The following CAPSL variants were observed in gnomAD, a reference collection of about 807,000 sequenced individuals.
CAPSL encodes calcyphosin-like protein.
Under a neutral mutation model 21.3 loss-of-function variants are expected in CAPSL, and 17 were observed. The observed-to-expected ratio is 0.80, with a 90% CI of 0.55 to 1.20. The LOEUF is 1.20. CAPSL is among the 50% of genes most tolerant of loss of function. The pLI is 0.00. For synonymous variants in CAPSL, 102 were observed against 89.3 expected, an observed-to-expected ratio of 1.14 and a Z score of -0.80; for missense variants, 289 against 259.3, an observed-to-expected ratio of 1.11 and a Z score of -0.79.
chr5:35,935,017 C>T (rs890229943), intron 1 of CAPSL, among the ~76,000 whole-genome samples: 2 of 152,164 alleles, frequency 1.3e-5, no homozygotes, highest in Admixed American at 1.3e-4. Context: ...TTTTAAGATG[C>T]ACCCTGTCAC....
At chr5:35,917,909 T>C (rs1738435384) in intron 2 of CAPSL, among the ~76,000 whole-genome samples, 1 of 151,956 alleles carries the variant, frequency 6.6e-6, no homozygotes, top group Non-Finnish European at 1.5e-5. Context: ...ATTAGAGAAA[T>C]GCAAATCATG....
intron 2 of CAPSL, among the ~76,000 whole-genome samples, chr5:35,911,971 G>A (rs1339981122): frequency 6.6e-6 from 1 of 152,184 alleles, no homozygotes; most frequent in Non-Finnish European, 1.5e-5. Context: ...TCAAAGAAAG[G>A]GGTGACAGAC....
At chr5:35,916,194 C>T (rs1464279975) in intron 2 of CAPSL, among the ~76,000 whole-genome samples, 24 of 151,670 alleles carry the variant, frequency 1.6e-4, no homozygotes, top group Admixed American at 1.6e-3. Flanking sequence ...CTACAAACCA[C>T]TGCTCAAGGA....
intron 2 of CAPSL, among the ~76,000 whole-genome samples, chr5:35,911,915 C>T (rs1023506672): frequency 6.6e-5 from 10 of 152,146 alleles, no homozygotes; most frequent in Non-Finnish European, 1.3e-4. Flanking sequence ...GGCAAGGCAT[C>T]GCCTCACCCA....
intron 2 of CAPSL, among the ~76,000 whole-genome samples, chr5:35,916,632 A>G (rs1032007966): frequency 2.6e-5 from 4 of 152,234 alleles, no homozygotes; most frequent in Non-Finnish European, 4.4e-5. Context: ...CCTATTTAAT[A>G]AATGGTGCTG....
At position 35,904,666 on chromosome 5, in the gene CAPSL, A is replaced by T. The variant is rs1760636628; in HGVS notation, c.526-20T>A. The T allele has an allele frequency of 6.2e-7, 1 of 1,610,294 alleles. No homozygotes were observed. Among genetic ancestry groups the T allele is most frequent in the Non-Finnish European group, 8.5e-7 (1 of 1,179,016 alleles). ...GGTCACCTGCAGTGGAAAAGTTAGA[A>T]ACAAAAACGAAACTTTGCTTCTCAC... is the stretch of plus-strand genomic sequence containing the variant. On this transcript the variant is annotated intron_variant, in intron 4 of 4. Transcript: ENST00000651391.
intron 2 of CAPSL, among the ~76,000 whole-genome samples, chr5:35,911,567 A>G (rs1580881392): frequency 6.6e-6 from 1 of 152,222 alleles, no homozygotes; most frequent in East Asian, 1.9e-4. Flanking sequence ...AACTGTCATA[A>G]CCAACAGGAT....
At chr5:35,926,020 G>A (rs1309042177) in intron 1 of CAPSL, among the ~76,000 whole-genome samples, 1 of 148,952 alleles carries the variant, frequency 6.7e-6, no homozygotes, top group Non-Finnish European at 1.5e-5. Context: ...TGGTTACAGT[G>A]AGCCAAGATC....
At chr5:35,907,473 TC>T (rs1476919296) in intron 4 of CAPSL, among the ~76,000 whole-genome samples, 1 of 152,184 alleles carries the variant, frequency 6.6e-6, no homozygotes, top group Non-Finnish European at 1.5e-5. Flanking sequence ...GAAGTAAATG[TC>T]TCACCAAATT....
At chr5:35,934,279 G>C (rs1375535896) in intron 1 of CAPSL, among the ~76,000 whole-genome samples, 2 of 152,218 alleles carry the variant, frequency 1.3e-5, no homozygotes, top group South Asian at 2.1e-4. Flanking sequence ...AGTTACAGCA[G>C]ACGTTGGCCC....
chr5:35,923,440 A>G (rs947824539), intron 1 of CAPSL, among the ~76,000 whole-genome samples: 54 of 152,260 alleles, frequency 3.5e-4, no homozygotes, highest in African/African-American at 1.3e-3. Context: ...AAACAAATGC[A>G]CATATACCCA....
intron 1 of CAPSL, among the ~76,000 whole-genome samples, chr5:35,927,903 C>T (rs577781356): frequency 6.6e-6 from 1 of 152,182 alleles, no homozygotes; most frequent in Non-Finnish European, 1.5e-5. Flanking sequence ...GGAAAATGCC[C>T]TTCTAAAATA....
At position 35,910,003 on chromosome 5, in the gene CAPSL, C is replaced by T. The variant is rs1283580779; in HGVS notation, c.388G>A (p.Val130Ile). ...TCACGAAGGTCTTCGATTGTTATAA[C>T]ACCATCTCCAGTCTTGTCTAACTTT... The part of the protein sequence containing the change: ...FRKLDKTGDG[V>I]ITIEDLREVY... The change falls in exon 4 of 5, where the codon GTT becomes ATT. Residue 130 changes from valine (V) to isoleucine (I), a missense_variant. Coordinates refer to ENST00000651391, the MANE Select transcript of CAPSL (RefSeq NM_001042625.2). 9 of 1,613,822 alleles carry T rather than the reference C, an allele frequency of 5.6e-6. No individual in the cohort carries two copies. Among genetic ancestry groups the T allele is most frequent in the Non-Finnish European group, 7.6e-6 (9 of 1,179,892 alleles).
At chr5:35,922,148 T>A (rs1738556344) in intron 1 of CAPSL, among the ~76,000 whole-genome samples, 1 of 151,670 alleles carries the variant, frequency 6.6e-6, no homozygotes, top group Non-Finnish European at 1.5e-5. Context: ...ATTCTGGCAC[T>A]TCCCCTAAGT....
chr5:35,932,118 C>A (rs1374471499), intron 1 of CAPSL, among the ~76,000 whole-genome samples: 1 of 152,060 alleles, frequency 6.6e-6, no homozygotes, highest in Non-Finnish European at 1.5e-5. Flanking sequence ...CCTAGTTGTT[C>A]TTAACTGATA....
chr5:35,926,280 G>T (rs965365239), intron 1 of CAPSL, among the ~76,000 whole-genome samples: 1 of 152,136 alleles, frequency 6.6e-6, no homozygotes. Flanking sequence ...GCGGACTCGG[G>T]GCTGGCATCC....
chr5:35,921,065 A>G lies in CAPSL; in HGVS notation c.56T>C (p.Leu19Pro). ...TTCAATGGGGTCGGTGGCCGTGGTG[A>G]GCTTTTTCTTGGCCTGGATCGCCAT... ...REMAIQAKKKLTTATDPIERL... is the reference protein window; with the variant it reads ...REMAIQAKKKPTTATDPIERL... The change falls in exon 2 of 5, where the codon CTC (leucine) becomes CCC (proline). Residue 19 changes from leucine (L) to proline (P), a missense_variant. By Grantham distance (98) the Leu-to-Pro change is moderately conservative (BLOSUM62 -3). Transcript: ENST00000651391. 1 of 1,613,916 alleles carries G rather than the reference A, an allele frequency of 6.2e-7. No individual in the cohort carries two copies. Among genetic ancestry groups the G allele is most frequent in the Non-Finnish European group, 8.5e-7 (1 of 1,180,000 alleles).
intron 2 of CAPSL, among the ~76,000 whole-genome samples, chr5:35,916,246 C>T (rs1359076349): frequency 6.6e-6 from 1 of 151,902 alleles, no homozygotes; most frequent in Non-Finnish European, 1.5e-5. Flanking sequence ...ATTCCATGCT[C>T]ATGGGTAGGA....
chr5:35,933,494 A>G lies in CAPSL; in HGVS notation c.-1+5047T>C, dbSNP rs560233952. 2.8e-3 allele frequency among the ~76,000 whole-genome samples: 421 copies of G among 152,280 alleles called. 1 individual carries two copies. Among genetic ancestry groups the G allele is most frequent in the Non-Finnish European group, 4.1e-3 (277 of 68,032 alleles). On this transcript the variant is annotated intron_variant, in intron 1 of 4. Coordinates refer to ENST00000651391, the MANE Select transcript of CAPSL (RefSeq NM_001042625.2). ...TTTTGTAAATTATCCACAACATCTCAGAAAATGTTCATTTTTTAAACAGGA... is the reference window on the plus strand; with the variant it reads ...TTTTGTAAATTATCCACAACATCTCGGAAAATGTTCATTTTTTAAACAGGA...
Sources: gnomAD v4.1 joint callset for allele counts (sites outside exome capture counted in the v4.1 genomes callset) on GRCh38, gnomAD v4.1.1 for gene constraint, MANE v1.5 for transcripts, NCBI Gene and HGNC (gene_info 2026-07-23, HGNC 2026-07-21) for gene names.